ANO1: variants seen among roughly 807,000 people sequenced by gnomAD.
The protein encoded by ANO1 is anoctamin-1.
A neutral mutation model predicts 124.0 loss-of-function variants in ANO1; 59 were observed. That is an observed-to-expected ratio of 0.48 (90% CI 0.39 to 0.59). The LOEUF (loss-of-function observed/expected upper bound fraction) is 0.59, where lower values mean the gene tolerates loss of function less well. Among genes scored for constraint, ANO1 ranks in the 20% least tolerant of loss-of-function variants. The probability of loss-of-function intolerance (pLI) is 0.00; values close to 1 mark genes in which losing one functional copy is unlikely to be tolerated. For missense variants in ANO1, 1,059 were observed against 1,328.0 expected, an observed-to-expected ratio of 0.80 and a Z score of 3.15; for synonymous variants, 529 against 532.0, an observed-to-expected ratio of 0.99 and a Z score of 0.08.
intron 1 of ANO1, among the ~76,000 whole-genome samples, chr11:70,000,273 A>T (rs569279235): frequency 1.3e-5 from 2 of 151,228 alleles, no homozygotes; most frequent in African/African-American, 4.9e-5. Context: ...ATGGAATGTG[A>T]CATCTGCTTT....
At chr11:70,030,994 G>C (rs568927598) in intron 1 of ANO1, among the ~76,000 whole-genome samples, 12 of 152,318 alleles carry the variant, frequency 7.9e-5, no homozygotes, top group African/African-American at 2.6e-4. Context: ...ATCCAGGCTG[G>C]AGTGCAGTGG....
chr11:70,085,767 C>T, intron 1 of ANO1: 2 of 1,363,960 alleles, frequency 1.5e-6, no homozygotes, highest in Non-Finnish European at 9.6e-7. Context: ...CTTCCCTCCC[C>T]CTCTCCCCCA....
intron 1 of ANO1, among the ~76,000 whole-genome samples, chr11:70,026,045 G>A (rs1856898550): frequency 6.7e-6 from 1 of 149,102 alleles, no homozygotes; most frequent in Admixed American, 6.7e-5. Flanking sequence ...TGGTGATGAT[G>A]GTGGTGGTGG....
At chr11:69,978,205 C>T in the ANO1 span, among the ~76,000 whole-genome samples, 1 of 152,202 alleles carries the variant, frequency 6.6e-6, no homozygotes, top group Non-Finnish European at 1.5e-5. Context: ...TGGAGCCACT[C>T]CGTGGGCCTT....
At chr11:69,991,457 G>T (rs872838) in intron 1 of ANO1, among the ~76,000 whole-genome samples, 21,666 of 152,058 alleles carry the variant, frequency 0.14, 1,615 homozygotes, top group African/African-American at 0.17. Context: ...AGAGGAGCCT[G>T]CCCCCCTGTC....
chr11:70,105,562 A>G (rs781692844), intron 4 of ANO1, among the ~76,000 whole-genome samples, 172 bp from the exon 5 acceptor site: 14 of 152,208 alleles, frequency 9.2e-5, no homozygotes, highest in Non-Finnish European at 1.6e-4. Context: ...GCAGTGAAAC[A>G]GTCTGTTCCA....
At chr11:70,115,381 G>A (rs1340234704) in intron 7 of ANO1, among the ~76,000 whole-genome samples, 3 of 151,952 alleles carry the variant, frequency 2.0e-5, no homozygotes, top group Non-Finnish European at 4.4e-5. Flanking sequence ...GGGAGGCCGA[G>A]GCGAGCGGAT....
chr11:70,083,642 G>C (rs2044267271), intron 1 of ANO1, among the ~76,000 whole-genome samples: 1 of 152,136 alleles, frequency 6.6e-6, no homozygotes, highest in Admixed American at 6.5e-5. Flanking sequence ...TTCTGGCTTG[G>C]AGGGATCCCT....
At chr11:70,085,998 G>A (rs1277721460) in intron 1 of ANO1, among the ~76,000 whole-genome samples, 1 of 152,252 alleles carries the variant, frequency 6.6e-6, no homozygotes, top group East Asian at 1.9e-4. Context: ...GCACAGCTCT[G>A]TCCAAAGGCC....
chr11:70,084,708 G>A lies in ANO1; in HGVS notation c.109-3044G>A, dbSNP rs527899763. ...TGTCCAGACATACCTGTGGCCTGGT[G>A]TTGCCCAAACCTCCCGACTAGCCTG... On this transcript the variant is annotated intron_variant, in intron 1 of 25. Coordinates refer to ENST00000355303, the MANE Select transcript of ANO1 (RefSeq NM_018043.7). Among the ~76,000 whole-genome samples the A allele has an allele frequency of 2.6e-5, 4 of 152,204 alleles. No homozygotes were observed. The East Asian group carries it at 5.8e-4, about 22-fold the overall frequency.
intron 1 of ANO1, among the ~76,000 whole-genome samples, chr11:70,040,933 A>G (rs1402560889): frequency 6.6e-6 from 1 of 152,224 alleles, no homozygotes; most frequent in Non-Finnish European, 1.5e-5. Flanking sequence ...AAGTTGAACA[A>G]AGAACTTTCT....
intron 1 of ANO1, among the ~76,000 whole-genome samples, chr11:70,080,508 C>T (rs1250283397): frequency 6.6e-6 from 1 of 152,156 alleles, no homozygotes; most frequent in Non-Finnish European, 1.5e-5. Flanking sequence ...GAAATGGATG[C>T]TCTGGGGGTA....
At position 70,116,461 on chromosome 11, in the gene ANO1, G is replaced by A; in HGVS notation, c.859G>A (p.Asp287Asn). 6.3e-7 allele frequency: 1 copy of A among 1,598,734 alleles called. No homozygotes were observed. Among genetic ancestry groups the A allele is most frequent in the Non-Finnish European group, 8.5e-7 (1 of 1,172,486 alleles). Residue 287 changes from aspartate to asparagine, a missense_variant, in exon 8 of 26, where the codon GAC becomes AAC. Physicochemically the swap from Asp to Asn is conservative, Grantham distance 23. This residue lies in a region of ANO1 where 809 missense variants were observed against 1,094.9 expected (regional missense o/e 0.74). Transcript: ENST00000355303. ...CCCTTTCCTCTTTTTTTAACAGGGA[G>A]ACTACAACGGTGAAAACGTCGAGTT... ...YAAAYPLHDGDYNGENVEFND... is the reference protein window; with the variant it reads ...YAAAYPLHDGNYNGENVEFND...
At chr11:70,159,976 G>A (rs372798807) in intron 16 of ANO1, among the ~76,000 whole-genome samples, 7 of 152,210 alleles carry the variant, frequency 4.6e-5, no homozygotes, top group South Asian at 2.1e-4. Flanking sequence ...TGCAGAAGCC[G>A]GTGGTAACGG....
chr11:70,062,920 T>TTGTTGTTTGTTGTTGTTGA (rs1857625168), intron 1 of ANO1, among the ~76,000 whole-genome samples: 1 of 152,004 alleles, frequency 6.6e-6, no homozygotes, highest in African/African-American at 2.4e-5. Context: ...TTTGTTGTTG[T>TTGTTGTTTGTTGTTGTTGA]TGTTGTTTGT....
chr11:70,031,929 C>T (rs1212584139), intron 1 of ANO1, among the ~76,000 whole-genome samples: 6 of 152,182 alleles, frequency 3.9e-5, no homozygotes, highest in South Asian at 2.1e-4. Flanking sequence ...TGTGTGGCAC[C>T]GGTCCCCTCA....
chr11:70,165,151 T>G (rs1053294623), intron 19 of ANO1, among the ~76,000 whole-genome samples: 10 of 152,122 alleles, frequency 6.6e-5, no homozygotes, highest in African/African-American at 2.4e-4. Flanking sequence ...TTCCTTTACT[T>G]GCCTCTCCAC....
intron 23 of ANO1, 143 bp from the exon 24 acceptor site, chr11:70,182,359 G>A (rs144149699): frequency 2.2e-4 from 133 of 600,680 alleles, no homozygotes; most frequent in African/African-American, 2.2e-3. Flanking sequence ...TCAGCATGCC[G>A]AGGCTGTGCG....
chr11:70,104,781 G>A (rs2045431306), intron 4 of ANO1, among the ~76,000 whole-genome samples: 1 of 152,168 alleles, frequency 6.6e-6, no homozygotes, highest in African/African-American at 2.4e-5. Context: ...AGGGACTTTG[G>A]ATGGAAGCTC....
Sources: gnomAD v4.1 joint callset for allele counts (sites outside exome capture counted in the v4.1 genomes callset) on GRCh38, gnomAD v4.1.1 for gene constraint, gnomAD v4.1.1 regional missense constraint, MANE v1.5 for transcripts, NCBI Gene and HGNC (gene_info 2026-07-23, HGNC 2026-07-21) for gene names.